Variants in SLC17A1 observed in about 807,000 individuals in gnomAD.
SLC17A1 encodes solute carrier family 17 member 1.
Under a neutral mutation model 53.5 loss-of-function variants are expected in SLC17A1, and 51 were observed. That is an observed-to-expected ratio of 0.95 (90% CI 0.76 to 1.20). SLC17A1 has a LOEUF of 1.20. Ranked by LOEUF, SLC17A1 falls within the 50% of genes most tolerant of loss-of-function variation. The pLI is 0.00. For missense variants in SLC17A1, 538 were observed against 568.2 expected (o/e 0.95, Z 0.54); for synonymous variants, 179 against 198.8 (o/e 0.90, Z 0.84).
chr6:25,796,813 A>T (rs1401161825), intron 12 of SLC17A1, among the ~76,000 whole-genome samples: 1 of 152,118 alleles, frequency 6.6e-6, no homozygotes, highest in Non-Finnish European at 1.5e-5. Flanking sequence ...TGATAATTTT[A>T]CCTTCTTTAC....
intron 9 of SLC17A1, 37 bp downstream of exon 9, chr6:25,811,601 A>G (rs1441972386): frequency 6.2e-7 from 1 of 1,613,390 alleles, no homozygotes; most frequent in Non-Finnish European, 8.5e-7. Flanking sequence ...GGGGAGAAGT[A>G]TCTCCCAAGT....
At chr6:25,726,416 C>A in the SLC17A1 span, 3 of 1,614,132 alleles carry the variant, frequency 1.9e-6, no homozygotes, top group Non-Finnish European at 2.5e-6. Context: ...GCATAGTTTC[C>A]CTTACGAAGC....
the SLC17A1 span, among the ~76,000 whole-genome samples, chr6:25,753,301 G>A: frequency 6.6e-6 from 1 of 152,182 alleles, no homozygotes; most frequent in Non-Finnish European, 1.5e-5. Flanking sequence ...CAGGGCAGAG[G>A]TCAGTAAGGT....
chr6:25,732,137 G>T, the SLC17A1 span: 1 of 554,004 alleles, frequency 1.8e-6, no homozygotes, highest in Non-Finnish European at 2.9e-6. Flanking sequence ...GGAAATGGTA[G>T]TGCCCTTTGA....
At chr6:25,726,506 C>A in the SLC17A1 span, 1 of 1,610,846 alleles carries the variant, frequency 6.2e-7, no homozygotes, top group Non-Finnish European at 8.5e-7. Flanking sequence ...GCTTTTCCTC[C>A]CTGCTTCCCT....
At chr6:25,799,418 A>C (rs1454422153) in intron 11 of SLC17A1, among the ~76,000 whole-genome samples, 1 of 151,984 alleles carries the variant, frequency 6.6e-6, no homozygotes, top group Non-Finnish European at 1.5e-5. Context: ...TTCGTTTTGA[A>C]GAGAATGAGT....
chr6:25,762,680 G>C, the SLC17A1 span, among the ~76,000 whole-genome samples: 21 of 152,080 alleles, frequency 1.4e-4, no homozygotes, highest in Admixed American at 1.4e-3. Context: ...CAACATTTTA[G>C]CCAGTTTGTC....
At chr6:25,791,237 C>T (rs1763494263) in intron 12 of SLC17A1, among the ~76,000 whole-genome samples, 1 of 152,162 alleles carries the variant, frequency 6.6e-6, no homozygotes, top group Admixed American at 6.5e-5. Context: ...ACTCTAAAAA[C>T]ACTGCTACAG....
the SLC17A1 span, among the ~76,000 whole-genome samples, chr6:25,729,543 G>A: frequency 6.6e-6 from 1 of 152,212 alleles, no homozygotes; most frequent in African/African-American, 2.4e-5. Flanking sequence ...AGCTAGTTCA[G>A]GTGCTGCCTG....
chr6:25,765,354 A>G, the SLC17A1 span, among the ~76,000 whole-genome samples: 4 of 152,246 alleles, frequency 2.6e-5, no homozygotes, highest in Non-Finnish European at 4.4e-5. Flanking sequence ...AAGTGCTACT[A>G]GCATCATCCC....
At chr6:25,723,849 T>C in the SLC17A1 span, among the ~76,000 whole-genome samples, 2 of 152,130 alleles carry the variant, frequency 1.3e-5, no homozygotes, top group African/African-American at 4.8e-5. Context: ...GTGTAACTAT[T>C]AGACAATGCA....
the SLC17A1 span, chr6:25,727,399 GT>G: frequency 0.024 from 16,053 of 678,408 alleles, 11 homozygotes; most frequent in Middle Eastern, 0.041. Context: ...AACCGTAAGG[GT>G]TTTTTTTTTT....
intron 6 of SLC17A1, 54 bp from the exon 7 acceptor site, chr6:25,813,267 T>G (rs1365699043): frequency 7.1e-7 from 1 of 1,402,554 alleles, no homozygotes; most frequent in Non-Finnish European, 1.0e-6. Flanking sequence ...GTGGATCTCT[T>G]TCCCAGAATG....
the SLC17A1 span, chr6:25,771,114 C>A: frequency 1.0e-6 from 1 of 972,392 alleles, no homozygotes; most frequent in Non-Finnish European, 1.6e-6. Flanking sequence ...ATTTACATAG[C>A]TAAAGCTGGT....
At chr6:25,727,139 C>A in the SLC17A1 span, 6 of 1,614,156 alleles carry the variant, frequency 3.7e-6, no homozygotes, top group Non-Finnish European at 5.1e-6. Flanking sequence ...GTATAGCGAG[C>A]GAGGCATCAC....
At chr6:25,768,918 T>C in the SLC17A1 span, 2 of 1,419,062 alleles carry the variant, frequency 1.4e-6, no homozygotes, top group Non-Finnish European at 2.0e-6. Context: ...CTTCTCCTTC[T>C]TCCAGACTTA....
intron 12 of SLC17A1, among the ~76,000 whole-genome samples, chr6:25,793,639 G>C (rs543491314): frequency 1.3e-5 from 2 of 152,184 alleles, no homozygotes; most frequent in South Asian, 4.2e-4. Context: ...CTCTATCCCA[G>C]CACCTACAAA....
chr6:25,797,636 G>A (rs1317104266), intron 12 of SLC17A1, among the ~76,000 whole-genome samples: 1 of 149,048 alleles, frequency 6.7e-6, no homozygotes, highest in Non-Finnish European at 1.5e-5. Context: ...ATGGAGTCTT[G>A]CTCTGTCACC....
the SLC17A1 span, among the ~76,000 whole-genome samples, chr6:25,750,546 A>T: frequency 1.3e-5 from 2 of 152,146 alleles, no homozygotes; most frequent in Non-Finnish European, 2.9e-5. Context: ...GCAAGTATCA[A>T]ATCAAGGTGG....
Sources: allele counts gnomAD v4.1 joint callset (sites outside exome capture counted in the v4.1 genomes callset), GRCh38; gene constraint gnomAD v4.1.1; transcripts MANE v1.5; gene names NCBI Gene and HGNC (gene_info 2026-07-23, HGNC 2026-07-21).